SRGAP3: variants seen among roughly 807,000 people sequenced by gnomAD.
SRGAP3 encodes SLIT-ROBO Rho GTPase-activating protein 3.
Under a neutral mutation model 121.1 loss-of-function variants are expected in SRGAP3, and 39 were observed. That is an observed-to-expected ratio of 0.32 (90% CI 0.25 to 0.42). The LOEUF is 0.42. Among genes scored for constraint, SRGAP3 ranks in the 10% least tolerant of loss-of-function variants. The pLI is 1.00. For missense variants in SRGAP3, 1,213 were observed against 1,470.6 expected (o/e 0.82, Z 2.86); for synonymous variants, 601 against 570.0 (o/e 1.05, Z -0.77).
intron 1 of SRGAP3, among the ~76,000 whole-genome samples, chr3:9,183,909 G>A (rs1575203273): frequency 6.6e-6 from 1 of 151,478 alleles, no homozygotes; most frequent in African/African-American, 2.4e-5. Flanking sequence ...TCTGCGGCTT[G>A]CCTCTTTTGT....
chr3:9,058,372 A>G lies in SRGAP3; in HGVS notation c.902T>C (p.Val301Ala). ...CAGGTTGTCCACTGCATTCTCAATG[A>G]CATCCAGCCCTTCGTGGCGAGAGGT... ...LETSRHEGLD[V>A]IENAVDNLDS... is the part of the protein sequence containing the mutation. The change falls in exon 7 of 22, where the codon GTC becomes GCC. Residue 301 changes from valine (V) to alanine (A), a missense_variant. Physicochemically the swap from Val to Ala is moderately conservative, Grantham distance 64. Coordinates refer to ENST00000383836, the MANE Select transcript of SRGAP3 (RefSeq NM_014850.4). The G allele has an allele frequency of 6.2e-7, 1 of 1,614,242 alleles. No homozygotes were observed. Among genetic ancestry groups the G allele is most frequent in the Non-Finnish European group, 8.5e-7 (1 of 1,180,046 alleles).
chr3:9,286,113 AACACACACACACACACACACACACACAC>A (rs34023408), intron 3 of SRGAP3, among the ~76,000 whole-genome samples: 127 of 135,078 alleles, frequency 9.4e-4, no homozygotes, highest in African/African-American at 3.2e-3. Context: ...CCCTATCTCA[AACACACACACACACACACACACACACAC>A]ACACACACAC....
intron 5 of SRGAP3, among the ~76,000 whole-genome samples, chr3:9,063,442 C>A (rs898602413): frequency 6.6e-6 from 1 of 151,834 alleles, no homozygotes; most frequent in African/African-American, 2.4e-5. Flanking sequence ...ACAATCTTTT[C>A]ATGTACTTAT....
At chr3:9,213,659 C>A (rs1330159709) in intron 1 of SRGAP3, among the ~76,000 whole-genome samples, 5 of 152,236 alleles carry the variant, frequency 3.3e-5, no homozygotes. Flanking sequence ...GGTCCCATCA[C>A]CTCCCTGTTA....
chr3:9,201,889 T>C (rs1345533803), intron 1 of SRGAP3, among the ~76,000 whole-genome samples: 1 of 152,226 alleles, frequency 6.6e-6, no homozygotes, highest in African/African-American at 2.4e-5. Flanking sequence ...TTCAGATCCA[T>C]GTATCTCATT....
intron 3 of SRGAP3, among the ~76,000 whole-genome samples, chr3:9,092,941 G>A (rs1032903027): frequency 1.3e-5 from 2 of 151,998 alleles, no homozygotes; most frequent in African/African-American, 4.8e-5. Flanking sequence ...TGTCCCTGAT[G>A]TCGATGTTTT....
chr3:9,056,291 A>C lies in SRGAP3; in HGVS notation c.1067T>G (p.Leu356Arg). 6.2e-7 allele frequency: 1 copy of C among 1,613,938 alleles called. No individual in the cohort carries two copies. Among genetic ancestry groups the C allele is most frequent in the Non-Finnish European group, 8.5e-7 (1 of 1,179,994 alleles). Reference sequence around the variant, plus strand: ...GGACTGCAGCTGGTGATAACGCATGAGCAGTTCTGTCTGGACGGGCTGCTG... The same window carrying C: ...GGACTGCAGCTGGTGATAACGCATGCGCAGTTCTGTCTGGACGGGCTGCTG... ...SAQQPVQTEL[L>R]MRYHQLQSRL... The change falls in exon 8 of 22, where the codon CTC becomes CGC. Residue 356 changes from leucine to arginine, a missense_variant. Around this residue, in one of 2 missense-constraint regions of SRGAP3, gnomAD observed 793 missense variants for 1,032.9 expected, o/e 0.77. Transcript: ENST00000383836.
chr3:9,193,029 G>C (rs1951807004), intron 1 of SRGAP3: 1 of 152,272 alleles, frequency 6.6e-6, no homozygotes, highest in Admixed American at 6.5e-5. Flanking sequence ...AGTGGGCAGT[G>C]GCCACGGCAA....
chr3:9,203,536 C>T (rs1164330564), intron 1 of SRGAP3, among the ~76,000 whole-genome samples: 1 of 152,184 alleles, frequency 6.6e-6, no homozygotes, highest in African/African-American at 2.4e-5. Context: ...CTCTACAGCC[C>T]TCAAAGGAGA....
chr3:9,087,985 C>T (rs1442271718), intron 3 of SRGAP3, among the ~76,000 whole-genome samples: 1 of 152,172 alleles, frequency 6.6e-6, no homozygotes, highest in African/African-American at 2.4e-5. Flanking sequence ...TTGCACAAGA[C>T]TCAAAGGCGT....
chr3:9,173,024 A>C (rs1951041378), intron 1 of SRGAP3, among the ~76,000 whole-genome samples: 1 of 152,182 alleles, frequency 6.6e-6, no homozygotes, highest in Non-Finnish European at 1.5e-5. Context: ...GTGGTGGGGC[A>C]TGGCTCGTGG....
intron 14 of SRGAP3, among the ~76,000 whole-genome samples, chr3:9,023,719 G>T (rs182491160): frequency 2.2e-4 from 33 of 152,280 alleles, no homozygotes; most frequent in African/African-American, 7.0e-4. Flanking sequence ...AGGGCTCAGT[G>T]CATGCTTGTT....
At chr3:9,121,556 C>T (rs182247254) in intron 2 of SRGAP3, among the ~76,000 whole-genome samples, 3 of 152,290 alleles carry the variant, frequency 2.0e-5, no homozygotes, top group Non-Finnish European at 2.9e-5. Context: ...TGGCCTGGGC[C>T]GGCACCCTAA....
intron 1 of SRGAP3, among the ~76,000 whole-genome samples, chr3:9,156,005 TG>T (rs1286906898): frequency 6.6e-6 from 1 of 152,094 alleles, no homozygotes; most frequent in African/African-American, 2.4e-5. Context: ...TTAGTAGAGA[TG>T]GGGTTTCACC....
chr3:9,250,135 C>A (rs1290327522), upstream of SRGAP3, among the ~76,000 whole-genome samples: 1 of 152,176 alleles, frequency 6.6e-6, no homozygotes, highest in East Asian at 1.9e-4. Context: ...GGGTCATTGG[C>A]TTGTGGGGCT....
intron 1 of SRGAP3, among the ~76,000 whole-genome samples, chr3:9,179,681 CCT>C (rs1179018001): frequency 2.6e-5 from 4 of 152,352 alleles, no homozygotes; most frequent in African/African-American, 9.6e-5. Flanking sequence ...CTCTTCCAGG[CCT>C]CTGTCACAAG....
intron 18 of SRGAP3, 42 bp downstream of exon 18, chr3:9,010,266 C>T (rs766634988): frequency 1.4e-5 from 22 of 1,609,990 alleles, no homozygotes; most frequent in Middle Eastern, 1.6e-4. Context: ...GTGTGAGAGG[C>T]CCCAGGAAGA....
At chr3:9,291,457 G>A (rs1954867501) in intron 3 of SRGAP3, among the ~76,000 whole-genome samples, 1 of 152,144 alleles carries the variant, frequency 6.6e-6, no homozygotes, top group Non-Finnish European at 1.5e-5. Flanking sequence ...CGGGTCACAG[G>A]TTGTAGCCTG....
At position 9,056,224 on chromosome 3, in the gene SRGAP3, C is replaced by A; in HGVS notation, c.1125+9G>T. ...GAAAATCCCTTATAGGGCAGAGGGG[C>A]TCACTCACCTCCTCATTCTCTATCT... On this transcript the variant is annotated intron_variant, in intron 8 of 21. Transcript: ENST00000383836. 1 of 1,613,336 alleles carries A rather than the reference C, an allele frequency of 6.2e-7. No individual in the cohort carries two copies.
Sources: allele counts gnomAD v4.1 joint callset (sites outside exome capture counted in the v4.1 genomes callset), GRCh38; gene constraint gnomAD v4.1.1; regional missense constraint gnomAD v4.1.1; transcripts MANE v1.5; gene names NCBI Gene and HGNC (gene_info 2026-07-23, HGNC 2026-07-21).